Variants in WDR41 observed in about 807,000 individuals in gnomAD.
WDR41 encodes the protein WD repeat domain 41, also known as WD repeat-containing protein 41.
A neutral mutation model predicts 69.3 loss-of-function variants in WDR41; 63 were observed. The observed-to-expected ratio is 0.91, with a 90% CI of 0.74 to 1.12. The LOEUF is 1.12. Ranked by LOEUF, WDR41 falls within the 50% of genes most tolerant of loss-of-function variation. The pLI is 0.00. For synonymous variants in WDR41, 185 were observed against 192.1 expected, an observed-to-expected ratio of 0.96 and a Z score of 0.31; for missense variants, 543 against 534.5, an observed-to-expected ratio of 1.02 and a Z score of -0.16.
rs567930291 is a variant in WDR41, at chr5:77,574,310, T to A, written c.42+46169A>T. ...GAGACTCCATCTCAAAATAAATAAA[T>A]AATAAATAAATAAATAAATAAAATT... is the stretch of plus-strand genomic sequence containing the variant. On this transcript the variant is annotated intron_variant, in intron 1 of 5. Coordinates refer to the WDR41 transcript ENST00000509971. Among the ~76,000 whole-genome samples, 377 of 151,356 alleles carry A rather than the reference T, an allele frequency of 2.5e-3. 2 individuals carry two copies. Among genetic ancestry groups the A allele is most frequent in the African/African-American group, 8.8e-3 (365 of 41,344 alleles).
chr5:77,442,689 G>A (rs1190641489), intron 8 of WDR41, among the ~76,000 whole-genome samples: 3 of 151,620 alleles, frequency 2.0e-5, no homozygotes, highest in African/African-American at 4.8e-5. Context: ...TCTGGAGATC[G>A]AGACCATCCT....
intron 1 of WDR41, among the ~76,000 whole-genome samples, chr5:77,605,021 C>T (rs753558611): frequency 2.6e-5 from 4 of 152,090 alleles, no homozygotes; most frequent in Non-Finnish European, 4.4e-5. Flanking sequence ...AGGAGAATTT[C>T]GGTATGGGGG....
intron 1 of WDR41, among the ~76,000 whole-genome samples, chr5:77,507,596 A>C (rs1802128508): frequency 6.6e-6 from 1 of 152,184 alleles, no homozygotes; most frequent in African/African-American, 2.4e-5. Context: ...TCTCGATATA[A>C]GTATAACAGA....
chr5:77,440,853 G>C lies in WDR41; in HGVS notation c.842C>G (p.Ser281Ter), dbSNP rs1031439652. 6.2e-7 allele frequency: 1 copy of C among 1,614,124 alleles called. No individual in the cohort carries two copies. Among genetic ancestry groups the C allele is most frequent in the Non-Finnish European group, 8.5e-7 (1 of 1,180,006 alleles). The part of the protein sequence containing the change: ...TQQEIKLCQK[S>*]NDISIHHFTC... ...GAAATGATGAATAGAAATGTCATTTGATTTTTGACAGAGTTTTATTTCTTG... is the reference window on the plus strand; with the variant it reads ...GAAATGATGAATAGAAATGTCATTTCATTTTTGACAGAGTTTTATTTCTTG... Residue 281 changes from serine (S) to a stop codon, truncating the protein, a stop_gained, in exon 9 of 13, where the codon TCA becomes TGA. Transcript: ENST00000296679. LOFTEE classifies it high-confidence loss of function.
intron 2 of WDR41, among the ~76,000 whole-genome samples, chr5:77,473,829 A>G (rs1800751065): frequency 6.6e-6 from 1 of 152,172 alleles, no homozygotes; most frequent in Non-Finnish European, 1.5e-5. Context: ...AAACAGGAAC[A>G]CTTTTACACT....
intron 1 of WDR41, among the ~76,000 whole-genome samples, chr5:77,581,459 A>G (rs970185674): frequency 6.6e-5 from 10 of 152,346 alleles, no homozygotes; most frequent in African/African-American, 2.2e-4. Flanking sequence ...TAGACAGAAA[A>G]TCAACAAGAA....
intron 1 of WDR41, among the ~76,000 whole-genome samples, chr5:77,557,571 G>A (rs7726382): frequency 2.6e-5 from 4 of 152,120 alleles, no homozygotes; most frequent in Non-Finnish European, 4.4e-5. Flanking sequence ...AAATGTTAGC[G>A]TGAGCCACTA....
At position 77,553,613 on chromosome 5, in the gene WDR41, T is replaced by TA. The variant is rs544370264; in HGVS notation, c.43-64042dup. On this transcript the variant is annotated intron_variant, in intron 1 of 5. Coordinates refer to the WDR41 transcript ENST00000509971. The stretch of plus-strand genomic sequence containing the variant: ...GTAAAGAACTCTCAAAACTCAACAT[T>TA]AAAAAAATCTATTAAATGAACAAAA... Among the ~76,000 whole-genome samples, 237 of 152,122 alleles carry TA rather than the reference T, an allele frequency of 1.6e-3. 3 individuals carry two copies. Among genetic ancestry groups the TA allele is most frequent in the African/African-American group, 5.4e-3 (224 of 41,504 alleles).
chr5:77,439,015 T>C (rs1799053473), intron 9 of WDR41, among the ~76,000 whole-genome samples: 2 of 152,218 alleles, frequency 1.3e-5, no homozygotes, highest in Non-Finnish European at 2.9e-5. Context: ...ATTGCCATTT[T>C]CCAGATAAGG....
intron 1 of WDR41, among the ~76,000 whole-genome samples, chr5:77,515,773 G>T (rs976802821): frequency 3.9e-5 from 6 of 152,032 alleles, no homozygotes; most frequent in South Asian, 4.2e-4. Context: ...AAATCATTAG[G>T]CAGTATAGGA....
intron 1 of WDR41, among the ~76,000 whole-genome samples, chr5:77,498,500 C>T (rs1019432787): frequency 6.6e-6 from 1 of 152,018 alleles, no homozygotes; most frequent in African/African-American, 2.4e-5. Flanking sequence ...AAATGTAAAA[C>T]CTAAATCTAT....
At chr5:77,557,741 AATACTC>A (rs1743434072) in intron 1 of WDR41, among the ~76,000 whole-genome samples, 3 of 152,162 alleles carry the variant, frequency 2.0e-5, no homozygotes, top group Non-Finnish European at 2.9e-5. Flanking sequence ...CATGTGTAGT[AATACTC>A]AGAGTATAGT....
At chr5:77,469,652 A>C (rs900529399) in intron 2 of WDR41, among the ~76,000 whole-genome samples, 2 of 152,220 alleles carry the variant, frequency 1.3e-5, no homozygotes, top group Non-Finnish European at 2.9e-5. Flanking sequence ...TTACAATAAA[A>C]TAACATTGAA....
chr5:77,605,727 G>C (rs570415235), intron 1 of WDR41, among the ~76,000 whole-genome samples: 1 of 152,058 alleles, frequency 6.6e-6, no homozygotes, highest in Non-Finnish European at 1.5e-5. Flanking sequence ...GGCCCTCGTG[G>C]TTCCTGCCCA....
At position 77,610,042 on chromosome 5, in the gene WDR41, G is replaced by T. The variant is rs1260758416; in HGVS notation, c.42+10437C>A. On this transcript the variant is annotated intron_variant, in intron 1 of 5. Transcript: ENST00000509971. ...CCTCAGGAGCCGATGCGATCAACTGGAAGAAAGGGTATCAGTGATGGAAGA... is the reference window on the plus strand; with the variant it reads ...CCTCAGGAGCCGATGCGATCAACTGTAAGAAAGGGTATCAGTGATGGAAGA... Among the ~76,000 whole-genome samples the T allele has an allele frequency of 7.9e-5, 12 of 152,272 alleles. No homozygotes were observed. In the East Asian group the frequency reaches 2.3e-3, roughly 29 times the overall value.
In WDR41 at chr5:77,562,496, C is replaced by T. The variant is rs139279441; in HGVS notation, c.42+57983G>A. On this transcript the variant is annotated intron_variant, in intron 1 of 5. Coordinates refer to the WDR41 transcript ENST00000509971. ...TATATCTTCATTTGGTGGCAGGGAA[C>T]TAACAATCAGTTGATGTGTCCTTTG... Among the ~76,000 whole-genome samples, 1,226 of 152,278 alleles carry T rather than the reference C, an allele frequency of 8.1e-3. 11 individuals carry two copies. Among genetic ancestry groups the T allele is most frequent in the Middle Eastern group, 0.017 (5 of 294 alleles).
rs142883615 is a variant in WDR41, at chr5:77,506,332, A to G, written c.43-16760T>C. On this transcript the variant is annotated intron_variant, in intron 1 of 5. Coordinates refer to the WDR41 transcript ENST00000509971. ...TCAGAGAAATTCAAATCAAAACCAC[A>G]ATGAGATACCATCTCATGCCATTAG... 3.3e-3 allele frequency among the ~76,000 whole-genome samples: 503 copies of G among 152,360 alleles called. 4 individuals carry two copies. Among genetic ancestry groups the G allele is most frequent in the African/African-American group, 0.011 (472 of 41,584 alleles).
intron 1 of WDR41, among the ~76,000 whole-genome samples, chr5:77,556,017 A>G (rs968976136): frequency 2.6e-5 from 4 of 152,110 alleles, no homozygotes; most frequent in Non-Finnish European, 5.9e-5. Flanking sequence ...TAGCAAAAAT[A>G]ACCAACAGTT....
At chr5:77,454,196 A>C (rs1799738014) in intron 5 of WDR41, among the ~76,000 whole-genome samples, 1 of 152,148 alleles carries the variant, frequency 6.6e-6, no homozygotes, top group South Asian at 2.1e-4. Flanking sequence ...CTCTAAGGTG[A>C]AGACACTAAA....
Sources: allele counts gnomAD v4.1 joint callset (sites outside exome capture counted in the v4.1 genomes callset), GRCh38; gene constraint gnomAD v4.1.1; transcripts MANE v1.5; gene names NCBI Gene and HGNC (gene_info 2026-07-23, HGNC 2026-07-21).